Variants in THSD7B observed in about 807,000 individuals in gnomAD.
THSD7B encodes the protein thrombospondin type-1 domain-containing protein 7B.
A neutral mutation model predicts 213.6 loss-of-function variants in THSD7B; 138 were observed. The ratio of observed to expected loss-of-function variants is 0.65; its 90% CI spans 0.56 to 0.74. THSD7B has a LOEUF of 0.74. THSD7B is among the 30% of genes least tolerant of loss of function. THSD7B has a pLI of 0.00. For synonymous variants in THSD7B, 742 were observed against 687.0 expected (o/e 1.08, Z -1.25); for missense variants, 1,931 against 1,991.5 (o/e 0.97, Z 0.58).
chr2:136,873,620 T>G (rs1683478964), intron 1 of THSD7B, among the ~76,000 whole-genome samples: 1 of 152,154 alleles, frequency 6.6e-6, no homozygotes, highest in Non-Finnish European at 1.5e-5. Context: ...CTTCCACTAT[T>G]TTGCTGCAGG....
intron 12 of THSD7B, among the ~76,000 whole-genome samples, chr2:137,374,578 C>T (rs566840851): frequency 5.9e-5 from 9 of 152,102 alleles, no homozygotes; most frequent in Non-Finnish European, 1.3e-4. Flanking sequence ...TTTTTTTAAC[C>T]TAAATTGTAG....
At chr2:137,251,094 A>T (rs144919380) in intron 10 of THSD7B, among the ~76,000 whole-genome samples, 1 of 152,350 alleles carries the variant, frequency 6.6e-6, no homozygotes, top group Non-Finnish European at 1.5e-5. Context: ...AAGGCAGAAC[A>T]GAACTTAGTA....
At chr2:136,965,832 T>C (rs992406197) in intron 2 of THSD7B, among the ~76,000 whole-genome samples, 1 of 152,200 alleles carries the variant, frequency 6.6e-6, no homozygotes, top group Non-Finnish European at 1.5e-5. Flanking sequence ...TTTTCTTAAG[T>C]TAAAGTGCCT....
chr2:137,046,462 G>A (rs1270836843), intron 2 of THSD7B, among the ~76,000 whole-genome samples: 1 of 152,116 alleles, frequency 6.6e-6, no homozygotes, highest in Non-Finnish European at 1.5e-5. Flanking sequence ...GGGTGTGGTG[G>A]CTCACGACTG....
At chr2:137,422,973 G>A (rs147243871) in intron 14 of THSD7B, among the ~76,000 whole-genome samples, 1 of 152,228 alleles carries the variant, frequency 6.6e-6, no homozygotes, top group African/African-American at 2.4e-5. Flanking sequence ...ACCCTTCTCA[G>A]AGAATAAATT....
rs574247814 is a variant in THSD7B at position 137,347,339 on chromosome 2, A to G, written c.2501-58274A>G. ...ATTCCTGTAAGTGGGTACGAGTTAC[A>G]TGTTACCATAGTGAGAAGTCAGTAG... On this transcript the variant is annotated intron_variant, in intron 12 of 27. Transcript: ENST00000409968. Among the ~76,000 whole-genome samples, 26 of 151,818 alleles carry G rather than the reference A, an allele frequency of 1.7e-4. 1 individual carries two copies. In the South Asian group the frequency reaches 5.4e-3, roughly 31 times the overall value.
At chr2:137,022,386 C>T (rs570087853) in intron 2 of THSD7B, among the ~76,000 whole-genome samples, 129 of 152,100 alleles carry the variant, frequency 8.5e-4, no homozygotes, top group African/African-American at 2.7e-3. Context: ...TTCTGATAGA[C>T]GAATAATGTG....
At chr2:137,071,350 G>A (rs1010130344) in intron 3 of THSD7B, among the ~76,000 whole-genome samples, 7 of 152,176 alleles carry the variant, frequency 4.6e-5, no homozygotes, top group African/African-American at 7.2e-5. Flanking sequence ...CTGCATAAAT[G>A]TCTTCTTTTG....
intron 15 of THSD7B, among the ~76,000 whole-genome samples, chr2:137,503,880 C>T (rs1198389014): frequency 3.3e-5 from 5 of 151,904 alleles, no homozygotes; most frequent in Admixed American, 3.3e-4. Context: ...CACAAATTAG[C>T]TGGGCGTGGT....
chr2:137,025,411 T>C (rs62170965), intron 2 of THSD7B, among the ~76,000 whole-genome samples: 13,443 of 152,240 alleles, frequency 0.088, 615 homozygotes, highest in Middle Eastern at 0.12. Flanking sequence ...GCTCTGTCCA[T>C]CACTCTGTTT....
intron 5 of THSD7B, among the ~76,000 whole-genome samples, chr2:137,118,039 C>T (rs1688476195): frequency 6.6e-6 from 1 of 152,060 alleles, no homozygotes; most frequent in South Asian, 2.1e-4. Context: ...GTTTTAAATG[C>T]AGCCAAAATA....
chr2:137,639,611 C>T (rs537234627), intron 20 of THSD7B, among the ~76,000 whole-genome samples: 17 of 152,218 alleles, frequency 1.1e-4, no homozygotes, highest in Middle Eastern at 3.4e-3. Context: ...AGACACTCAA[C>T]GCCAGCCCAT....
chr2:137,156,388 G>C (rs1455674839), intron 5 of THSD7B, among the ~76,000 whole-genome samples: 1 of 152,116 alleles, frequency 6.6e-6, no homozygotes, highest in Non-Finnish European at 1.5e-5. Context: ...AAAACAGCAG[G>C]TGCTGAAGAG....
chr2:136,836,328 A>G (rs1024293559), intron 1 of THSD7B, among the ~76,000 whole-genome samples: 7 of 152,168 alleles, frequency 4.6e-5, no homozygotes, highest in African/African-American at 1.7e-4. Flanking sequence ...CAGATGGTCC[A>G]TACTCAGCTG....
At position 137,372,392 on chromosome 2, in the gene THSD7B, CA is replaced by C. The variant is rs1182947990; in HGVS notation, c.2501-33220del. On this transcript the variant is annotated intron_variant, in intron 12 of 27. Transcript: ENST00000409968. Reference sequence around the variant, plus strand: ...TTATTCTGAGCCAAATGTTAGCAACCATGGCCCATGACACAGCCTCAGGAGG... The same window carrying C: ...TTATTCTGAGCCAAATGTTAGCAACCTGGCCCATGACACAGCCTCAGGAGG... Among the ~76,000 whole-genome samples the C allele has an allele frequency of 3.0e-5, 4 of 135,310 alleles. No homozygotes were observed. The Admixed American group carries it at 3.3e-4, about 11-fold the overall frequency. 88.8% of individuals were successfully genotyped at this position (135,310 alleles called of 152,430 possible).
chr2:136,998,875 C>T (rs1685945657), intron 2 of THSD7B, among the ~76,000 whole-genome samples: 1 of 149,462 alleles, frequency 6.7e-6, no homozygotes, highest in Non-Finnish European at 1.5e-5. Context: ...TGCTTTTTAT[C>T]ATCTGCTGTT....
chr2:136,872,490 A>G (rs2104982206), intron 1 of THSD7B, among the ~76,000 whole-genome samples: 1 of 152,092 alleles, frequency 6.6e-6, no homozygotes, highest in African/African-American at 2.4e-5. Context: ...TGGCAGCCCT[A>G]GCTACATAAA....
intron 2 of THSD7B, among the ~76,000 whole-genome samples, chr2:136,936,954 T>G (rs1398777692): frequency 3.3e-5 from 5 of 152,096 alleles, no homozygotes; most frequent in Admixed American, 6.6e-5. Context: ...TTTAATGACT[T>G]AATGTAAAAA....
chr2:137,126,550 G>A (rs1688632068), intron 5 of THSD7B, among the ~76,000 whole-genome samples: 1 of 150,296 alleles, frequency 6.7e-6, no homozygotes, highest in African/African-American at 2.5e-5. Flanking sequence ...TTAAGGAAAT[G>A]TTGTGACTGC....
Sources: gnomAD v4.1 joint callset for allele counts (sites outside exome capture counted in the v4.1 genomes callset) on GRCh38, gnomAD v4.1.1 for gene constraint, MANE v1.5 for transcripts, NCBI Gene and HGNC (gene_info 2026-07-23, HGNC 2026-07-21) for gene names.